Variants in CNTN3 observed in about 807,000 individuals in gnomAD.
The protein encoded by CNTN3 is contactin-3.
Under a neutral mutation model 119.1 loss-of-function variants are expected in CNTN3, and 60 were observed. The observed-to-expected ratio is 0.50, with a 90% CI of 0.41 to 0.62. CNTN3 has a LOEUF of 0.62. Among genes scored for constraint, CNTN3 ranks in the 20% least tolerant of loss-of-function variants. The pLI is 0.00. For missense variants in CNTN3, 1,101 were observed against 1,242.4 expected, an observed-to-expected ratio of 0.89 and a Z score of 1.71; for synonymous variants, 450 against 438.7, an observed-to-expected ratio of 1.03 and a Z score of -0.32.
intron 4 of CNTN3, among the ~76,000 whole-genome samples, chr3:74,437,756 T>A (rs1262380841): frequency 6.6e-6 from 1 of 152,114 alleles, no homozygotes. Context: ...ACTACACTTT[T>A]TTTTCCCATT....
Position 74,400,705 on chromosome 3 carries a change from T to C in CNTN3, c.454+24140A>G, listed in dbSNP as rs940976719. On this transcript the variant is annotated intron_variant, in intron 5 of 22. Transcript: ENST00000263665. The stretch of plus-strand genomic sequence containing the variant: ...TGGATTAATATTACCATATTTGCCA[T>C]ACCAAGTGATCTGTACAAAGCATAA... Among the ~76,000 whole-genome samples the C allele has an allele frequency of 5.3e-5, 8 of 152,306 alleles. No individual in the cohort carries two copies. The South Asian group carries it at 1.7e-3, about 32-fold the overall frequency.
chr3:74,495,615 T>C (rs1703047379), intron 3 of CNTN3, among the ~76,000 whole-genome samples: 1 of 152,002 alleles, frequency 6.6e-6, no homozygotes, highest in Non-Finnish European at 1.5e-5. Flanking sequence ...CTTGAATAAA[T>C]GGTTAGCAGA....
chr3:74,448,219 AC>A (rs1412764483), intron 4 of CNTN3, among the ~76,000 whole-genome samples: 1 of 152,154 alleles, frequency 6.6e-6, no homozygotes, highest in Non-Finnish European at 1.5e-5. Flanking sequence ...CATTCTGAAC[AC>A]AAATTTTATG....
chr3:74,521,138 C>A lies in CNTN3; in HGVS notation c.-26G>T. On this transcript the variant is annotated 5_prime_UTR_variant, in exon 2 of 23. Transcript: ENST00000263665. ...CTTTAATTGCCAAATGCAAGAGTAACTCTTGTCCAGTCTCTGATGAATAGA... is the reference window on the plus strand; with the variant it reads ...CTTTAATTGCCAAATGCAAGAGTAAATCTTGTCCAGTCTCTGATGAATAGA... 6.6e-7 allele frequency: 1 copy of A among 1,514,078 alleles called. No individual in the cohort carries two copies. The allele number at this position is 1,514,078 out of a possible 1,614,324, so 93.8% of individuals were successfully genotyped here. A position where few individuals can be genotyped will look rare whatever the true frequency, so the allele number is the denominator to read the frequency against.
intron 1 of CNTN3, among the ~76,000 whole-genome samples, chr3:74,527,633 C>T (rs915387034): frequency 1.8e-4 from 28 of 151,898 alleles, no homozygotes; most frequent in Admixed American, 1.8e-3. Flanking sequence ...TCATGCCAAC[C>T]GACATGCTTC....
intron 1 of CNTN3, among the ~76,000 whole-genome samples, chr3:74,539,976 C>T (rs551723079): frequency 3.9e-5 from 6 of 152,218 alleles, no homozygotes; most frequent in South Asian, 4.1e-4. Flanking sequence ...CTGTATGACC[C>T]GCCATGAAGC....
At chr3:74,585,905 C>A (rs1017121241) in intron 1 of CNTN3, among the ~76,000 whole-genome samples, 1 of 152,106 alleles carries the variant, frequency 6.6e-6, no homozygotes, top group Non-Finnish European at 1.5e-5. Flanking sequence ...ATGAGAATTG[C>A]ATTCTTTTAT....
intron 1 of CNTN3, among the ~76,000 whole-genome samples, chr3:74,613,580 T>A (rs970191224): frequency 1.3e-5 from 2 of 152,160 alleles, no homozygotes; most frequent in Admixed American, 6.5e-5. Context: ...AATAAGCAAA[T>A]GCAATACAGG....
At chr3:74,461,233 T>C (rs1702361884) in intron 4 of CNTN3, among the ~76,000 whole-genome samples, 2 of 152,022 alleles carry the variant, frequency 1.3e-5, no homozygotes, top group African/African-American at 2.4e-5. Context: ...ATAAATCTTT[T>C]AATATTTTGT....
rs373612458 is a variant in CNTN3, at chr3:74,499,719, G to C, written c.122C>G (p.Ser41Ter). 1 of 1,611,448 alleles carries C rather than the reference G, an allele frequency of 6.2e-7. No individual in the cohort carries two copies. The highest frequency in any genetic ancestry group is 1.7e-5 in the Admixed American group (1 of 59,844). ...ATGCAAAGTTATTTTTTTATCTTCTGAACCAACAGGGAAAATGCTGTTGCT... is the reference window on the plus strand; with the variant it reads ...ATGCAAAGTTATTTTTTTATCTTCTCAACCAACAGGGAAAATGCTGTTGCT... ...EPSNSIFPVG[S>*]EDKKITLHCE... Residue 41 changes from serine (S) to a stop codon, truncating the protein, a stop_gained, in exon 3 of 23, where the codon TCA becomes TGA. Transcript: ENST00000263665. LOFTEE classifies it high-confidence loss of function.
intron 20 of CNTN3, among the ~76,000 whole-genome samples, chr3:74,276,319 A>C (rs959357714): frequency 3.9e-5 from 6 of 152,150 alleles, no homozygotes; most frequent in African/African-American, 1.4e-4. Flanking sequence ...CATTCCATCC[A>C]ACAACCACAG....
chr3:74,392,689 A>G (rs1024853180), intron 5 of CNTN3, among the ~76,000 whole-genome samples: 5 of 152,204 alleles, frequency 3.3e-5, no homozygotes, highest in East Asian at 1.9e-4. Context: ...ACACAAACAT[A>G]TATTAGAAAG....
Position 74,263,668 on chromosome 3 carries a change from G to T in CNTN3, c.*733C>A, listed in dbSNP as rs1701617508. On this transcript the variant is annotated 3_prime_UTR_variant, in exon 23 of 23. Coordinates refer to ENST00000263665, the MANE Select transcript of CNTN3 (RefSeq NM_020872.3). ...TAAATTCATGCTAATATTTTGCATG[G>T]GTCAATTGCATTTGGGGTGACAAAA... 1 of 151,886 alleles carries T rather than the reference G, an allele frequency of 6.6e-6. No individual in the cohort carries two copies. Among genetic ancestry groups the T allele is most frequent in the Non-Finnish European group, 1.5e-5 (1 of 67,940 alleles). 9.4% of individuals were successfully genotyped at this position (151,886 alleles called of 1,614,324 possible).
At chr3:74,445,330 T>C (rs1198116203) in intron 4 of CNTN3, among the ~76,000 whole-genome samples, 5 of 152,134 alleles carry the variant, frequency 3.3e-5, no homozygotes, top group Non-Finnish European at 7.4e-5. Context: ...TGGTGGGATC[T>C]CCGCCCACTG....
chr3:74,452,732 T>C (rs1294966365), intron 4 of CNTN3, among the ~76,000 whole-genome samples: 1 of 148,130 alleles, frequency 6.8e-6, no homozygotes, highest in East Asian at 2.0e-4. Context: ...TGAAGAGTTG[T>C]TGAATTTTGT....
chr3:74,537,821 A>T (rs1303254000), intron 1 of CNTN3, among the ~76,000 whole-genome samples: 3 of 152,088 alleles, frequency 2.0e-5, no homozygotes, highest in Non-Finnish European at 2.9e-5. Context: ...AGATGGAGGG[A>T]TGGAGGTCTA....
chr3:74,391,889 C>T (rs1489106777), intron 5 of CNTN3, among the ~76,000 whole-genome samples: 2 of 152,138 alleles, frequency 1.3e-5, no homozygotes, highest in Admixed American at 6.5e-5. Context: ...AACTCCTAAC[C>T]TCAAGTGATC....
chr3:74,331,869 C>T (rs1703271864), intron 13 of CNTN3, among the ~76,000 whole-genome samples: 1 of 152,148 alleles, frequency 6.6e-6, no homozygotes, highest in African/African-American at 2.4e-5. Context: ...TCCTTTGGCA[C>T]AATTTCAAAT....
At chr3:74,582,949 A>G (rs931844912) in intron 1 of CNTN3, among the ~76,000 whole-genome samples, 1 of 152,192 alleles carries the variant, frequency 6.6e-6, no homozygotes, top group Admixed American at 6.5e-5. Flanking sequence ...TGGGATTTTA[A>G]TTTACAGAAG....
Sources: gnomAD v4.1 joint callset for allele counts (sites outside exome capture counted in the v4.1 genomes callset) on GRCh38, gnomAD v4.1.1 for gene constraint, MANE v1.5 for transcripts, NCBI Gene and HGNC (gene_info 2026-07-23, HGNC 2026-07-21) for gene names.